The following CADM1 variants were observed in gnomAD, a reference collection of about 807,000 sequenced individuals.
The protein encoded by CADM1 is cell adhesion molecule 1.
Under a neutral mutation model 53.1 loss-of-function variants are expected in CADM1, and 15 were observed. The observed-to-expected ratio is 0.28, with a 90% CI of 0.19 to 0.44. The LOEUF (loss-of-function observed/expected upper bound fraction) is 0.44, where lower values mean the gene tolerates loss of function less well. Among genes scored for constraint, CADM1 ranks in the 20% least tolerant of loss-of-function variants. The pLI is 1.00. For synonymous variants in CADM1, 281 were observed against 243.0 expected, an observed-to-expected ratio of 1.16 and a Z score of -1.45; for missense variants, 434 against 611.3, an observed-to-expected ratio of 0.71 and a Z score of 3.06.
At chr11:115,270,760 T>A (rs1034879632) in intron 1 of CADM1, among the ~76,000 whole-genome samples, 1 of 152,212 alleles carries the variant, frequency 6.6e-6, no homozygotes, top group African/African-American at 2.4e-5. Flanking sequence ...ATATCTAAGG[T>A]TATTAAGCTC....
chr11:115,435,647 C>T (rs921792670), intron 1 of CADM1, among the ~76,000 whole-genome samples: 3 of 152,248 alleles, frequency 2.0e-5, no homozygotes, highest in African/African-American at 2.4e-5. Context: ...GCAGAAGAAG[C>T]GTTTGAACCT....
rs1216372271 is a variant in CADM1 at position 115,404,327 on chromosome 11, G to GAAAAA, written c.124+99939_124+99943dup. Among the ~76,000 whole-genome samples the GAAAAA allele has an allele frequency of 8.1e-3, 47 of 5,782 alleles. 3 individuals are homozygous for GAAAAA. The highest frequency in any genetic ancestry group is 0.013 in the Non-Finnish European group (37 of 2,954). The allele number at this position is 5,782 out of a possible 152,430, so 3.8% of individuals were successfully genotyped here. On this transcript the variant is annotated intron_variant, in intron 1 of 11. Coordinates refer to ENST00000331581, the MANE Select transcript of CADM1 (RefSeq NM_001301043.2). ...GGCGACAGAGCAAGAATCTGTCTCGGAAAAAAAAAAAAAAAAAAAATATAT... is the reference window on the plus strand; with the variant it reads ...GGCGACAGAGCAAGAATCTGTCTCGGAAAAAAAAAAAAAAAAAAAAAAAAATATAT...
chr11:115,335,007 T>C (rs1180420520), intron 1 of CADM1, among the ~76,000 whole-genome samples: 4 of 152,120 alleles, frequency 2.6e-5, no homozygotes, highest in Admixed American at 1.3e-4. Context: ...TCTTGATAAA[T>C]TTCCAACAAG....
intron 1 of CADM1, among the ~76,000 whole-genome samples, chr11:115,381,243 G>A (rs1352296312): frequency 6.6e-6 from 1 of 150,928 alleles, no homozygotes; most frequent in Non-Finnish European, 1.5e-5. Context: ...GCAGTGAGCC[G>A]AGATGGCGCC....
At chr11:115,265,874 T>C (rs1173833436) in intron 1 of CADM1, among the ~76,000 whole-genome samples, 1 of 152,194 alleles carries the variant, frequency 6.6e-6, no homozygotes, top group African/African-American at 2.4e-5. Context: ...AAATGGATAA[T>C]TGGTAACCAT....
At position 115,218,029 on chromosome 11, in the gene CADM1, T is replaced by C. The variant is rs370372745; in HGVS notation, c.722-38A>G. 1.0e-5 allele frequency: 15 copies of C among 1,487,406 alleles called. No homozygotes were observed. In the African/African-American group the frequency reaches 2.1e-4, roughly 21 times the overall value. The allele number at this position is 1,487,406 out of a possible 1,614,324, so 92.1% of individuals were successfully genotyped here. On this transcript the variant is annotated intron_variant, in intron 5 of 11. Transcript: ENST00000331581. ...AACACAAAGTATAATGTTTAGCAAATGATATCATCAGGCAAAATCAGACTC... is the reference window on the plus strand; with the variant it reads ...AACACAAAGTATAATGTTTAGCAAACGATATCATCAGGCAAAATCAGACTC...
In CADM1 at chr11:115,318,019, AAAAGT is replaced by A. The variant is rs555641339; in HGVS notation, c.125-77604_125-77600del. ...ACACACACACACACACACACACAAT[AAAAGT>A]AAAGCTAACCTTCCCTACTTATTTT... On this transcript the variant is annotated intron_variant, in intron 1 of 11. Transcript: ENST00000331581. Among the ~76,000 whole-genome samples, 31 of 147,544 alleles carry A rather than the reference AAAAGT, an allele frequency of 2.1e-4. No individual in the cohort carries two copies. The South Asian group carries it at 2.9e-3, about 14-fold the overall frequency.
chr11:115,498,181 C>T (rs1198610193), intron 1 of CADM1, among the ~76,000 whole-genome samples: 1 of 152,152 alleles, frequency 6.6e-6, no homozygotes, highest in Non-Finnish European at 1.5e-5. Context: ...ACCACCATCC[C>T]ACAAAAATAA....
chr11:115,492,194 T>C (rs1200429056), intron 1 of CADM1, among the ~76,000 whole-genome samples: 2 of 152,050 alleles, frequency 1.3e-5, no homozygotes, highest in Non-Finnish European at 2.9e-5. Context: ...GAACCTAGGA[T>C]TTGTCAAATA....
chr11:115,243,761 G>C (rs946106447), intron 1 of CADM1, among the ~76,000 whole-genome samples: 7 of 152,134 alleles, frequency 4.6e-5, no homozygotes, highest in African/African-American at 1.7e-4. Context: ...TAGCAGAAGG[G>C]TACAAACAGG....
chr11:115,227,795 A>C (rs887220105), intron 5 of CADM1, among the ~76,000 whole-genome samples: 3 of 152,236 alleles, frequency 2.0e-5, no homozygotes, highest in Admixed American at 6.5e-5. Flanking sequence ...ATGGTTTCTT[A>C]GAAGCAACTT....
At chr11:115,313,172 T>C (rs1944575104) in intron 1 of CADM1, among the ~76,000 whole-genome samples, 2 of 152,122 alleles carry the variant, frequency 1.3e-5, no homozygotes, top group Non-Finnish European at 2.9e-5. Context: ...CAGACAACAG[T>C]GATTATGCCT....
intron 9 of CADM1, among the ~76,000 whole-genome samples, chr11:115,194,789 C>A (rs1296800228): frequency 6.6e-6 from 1 of 152,090 alleles, no homozygotes; most frequent in Non-Finnish European, 1.5e-5. Context: ...GTCACCCGAC[C>A]CCTCACATTG....
intron 7 of CADM1, among the ~76,000 whole-genome samples, chr11:115,211,285 C>T (rs1940945248): frequency 6.6e-6 from 1 of 151,954 alleles, no homozygotes; most frequent in African/African-American, 2.4e-5. Context: ...AGTGCACTGA[C>T]CCCTGAGCCC....
chr11:115,225,318 G>T (rs926578847), intron 5 of CADM1, among the ~76,000 whole-genome samples: 1 of 150,650 alleles, frequency 6.6e-6, no homozygotes, highest in East Asian at 1.9e-4. Flanking sequence ...AAAAAAGGGG[G>T]GGGGACTTTA....
rs869273547 is a variant in CADM1 at position 115,340,658 on chromosome 11, A to ATT, written c.125-100240_125-100239dup. 3.8e-3 allele frequency among the ~76,000 whole-genome samples: 132 copies of ATT among 34,932 alleles called. 11 individuals carry two copies. The highest frequency in any genetic ancestry group is 0.03 in the Admixed American group (56 of 1,858). 22.9% of individuals were successfully genotyped at this position (34,932 alleles called of 152,430 possible). A position where few individuals can be genotyped will look rare whatever the true frequency, so the allele number is the denominator to read the frequency against. ...TATATATATATATATATATATATAT[A>ATT]TTTTTTTTTTTTTTTTTTTTGAGAC... On this transcript the variant is annotated intron_variant, in intron 1 of 11. Transcript: ENST00000331581.
intron 1 of CADM1, among the ~76,000 whole-genome samples, chr11:115,356,908 T>C (rs1021048212): frequency 1.3e-4 from 20 of 152,194 alleles, no homozygotes; most frequent in Non-Finnish European, 4.4e-5. Context: ...ACAATTCTTA[T>C]AAGATAGCAT....
chr11:115,391,989 C>T (rs182095149), intron 1 of CADM1, among the ~76,000 whole-genome samples: 139 of 152,274 alleles, frequency 9.1e-4, no homozygotes, highest in African/African-American at 3.2e-3. Context: ...CAGGCCCACA[C>T]TAACAATATC....
intron 1 of CADM1, among the ~76,000 whole-genome samples, chr11:115,459,758 T>C (rs930689713): frequency 7.9e-5 from 12 of 152,314 alleles, no homozygotes; most frequent in Admixed American, 3.3e-4. Flanking sequence ...CTCAGAAATC[T>C]GAAGAATTTC....
Sources: gnomAD v4.1 joint callset for allele counts (sites outside exome capture counted in the v4.1 genomes callset) on GRCh38, gnomAD v4.1.1 for gene constraint, MANE v1.5 for transcripts, NCBI Gene and HGNC (gene_info 2026-07-23, HGNC 2026-07-21) for gene names.